The following PRMT9 variants were observed in gnomAD, a reference collection of about 807,000 sequenced individuals.
The protein encoded by PRMT9 is protein arginine N-methyltransferase 9.
In PRMT9, 59 loss-of-function variants were observed where a neutral mutation model predicts 83.2. The observed-to-expected ratio is 0.71, with a 90% CI of 0.57 to 0.88. The LOEUF (loss-of-function observed/expected upper bound fraction) is 0.88. Ranked by LOEUF, PRMT9 falls within the 40% of genes least tolerant of loss-of-function variation. PRMT9 has a pLI of 0.00. For synonymous variants in PRMT9, 333 were observed against 353.2 expected (o/e 0.94, Z 0.64); for missense variants, 947 against 1,021.9 (o/e 0.93, Z 1.00).
intron 1 of PRMT9, among the ~76,000 whole-genome samples, chr4:147,681,656 G>A (rs1249487975): frequency 3.3e-5 from 5 of 152,004 alleles, no homozygotes; most frequent in Admixed American, 1.3e-4. Flanking sequence ...GCACGGTGGC[G>A]AACACCTATA....
chr4:147,654,759 C>T (rs1319741619), intron 8 of PRMT9, among the ~76,000 whole-genome samples, 193 bp from the exon 9 acceptor site: 1 of 152,138 alleles, frequency 6.6e-6, no homozygotes, highest in Non-Finnish European at 1.5e-5. Flanking sequence ...AATTTGAATA[C>T]TCAATTAACC....
chr4:147,641,546 T>C (rs1733397532), intron 10 of PRMT9, among the ~76,000 whole-genome samples: 1 of 152,214 alleles, frequency 6.6e-6, no homozygotes, highest in African/African-American at 2.4e-5. Context: ...ACAGCACTTC[T>C]CACCATCACA....
At chr4:147,645,810 T>C (rs1406174437) in intron 9 of PRMT9, among the ~76,000 whole-genome samples, 1 of 152,222 alleles carries the variant, frequency 6.6e-6, no homozygotes, top group Non-Finnish European at 1.5e-5. Context: ...CAAGGAAAGT[T>C]AGAGATGACT....
In PRMT9 at chr4:147,654,217, G is replaced by T; in HGVS notation, c.1680C>A (p.His560Gln). Residue 560 changes from histidine to glutamine, a missense_variant, in exon 9 of 12, where the codon CAC (histidine) becomes CAA (glutamine). Physicochemically the swap from His to Gln is conservative, Grantham distance 24. Transcript: ENST00000322396. ...PEKLYQTMDT[H>Q]CQNEMSSGTG... ...TTCCAGAGCTCATCTCATTCTGACA[G>T]TGAGTATCCATGGTCTGATACAGTT... The T allele has an allele frequency of 1.2e-6, 2 of 1,614,108 alleles. No homozygotes were observed. The highest frequency in any genetic ancestry group is 1.7e-6 in the Non-Finnish European group (2 of 1,179,932).
intron 7 of PRMT9, among the ~76,000 whole-genome samples, chr4:147,658,523 C>T (rs1734700566): frequency 6.6e-6 from 1 of 152,162 alleles, no homozygotes; most frequent in South Asian, 2.1e-4. Context: ...AAGTCTTAAA[C>T]AGGCAGGCAT....
At chr4:147,650,453 A>G (rs938533055) in intron 9 of PRMT9, among the ~76,000 whole-genome samples, 3 of 152,208 alleles carry the variant, frequency 2.0e-5, no homozygotes, top group African/African-American at 4.8e-5. Context: ...AATACTTAGG[A>G]ATAAACCTAC....
At chr4:147,668,501 TGC>T in intron 6 of PRMT9, 36 bp downstream of exon 6, 1 of 1,182,434 alleles carries the variant, frequency 8.5e-7, no homozygotes. Flanking sequence ...TCTTGGGAGG[TGC>T]TTTATAGCAG....
At chr4:147,650,815 A>G (rs1282548752) in intron 9 of PRMT9, among the ~76,000 whole-genome samples, 1 of 152,156 alleles carries the variant, frequency 6.6e-6, no homozygotes, top group Non-Finnish European at 1.5e-5. Flanking sequence ...TAGAAACAAG[A>G]GCCCAAGGCG....
chr4:147,641,322 C>G (rs1454524301), intron 10 of PRMT9, among the ~76,000 whole-genome samples: 1 of 152,166 alleles, frequency 6.6e-6, no homozygotes, highest in Non-Finnish European at 1.5e-5. Flanking sequence ...TCTCTCATCA[C>G]TCTCCCTCTT....
intron 8 of PRMT9, among the ~76,000 whole-genome samples, chr4:147,656,282 A>T (rs1187850462): frequency 6.7e-6 from 1 of 150,338 alleles, no homozygotes; most frequent in South Asian, 2.1e-4. Flanking sequence ...AGAAGGGTAG[A>T]GTTTTTCTGT....
intron 6 of PRMT9, among the ~76,000 whole-genome samples, chr4:147,666,823 T>TAAAAA (rs67002013): frequency 7.9e-6 from 1 of 126,442 alleles, no homozygotes; most frequent in Non-Finnish European, 1.7e-5. Flanking sequence ...GAACTTTGTT[T>TAAAAA]AAAAAAAAAA....
At chr4:147,675,742 TG>T (rs1736027323) in intron 2 of PRMT9, among the ~76,000 whole-genome samples, 2 of 152,212 alleles carry the variant, frequency 1.3e-5, no homozygotes. Flanking sequence ...AACGTATCAG[TG>T]AAACATAAGA....
intron 6 of PRMT9, among the ~76,000 whole-genome samples, chr4:147,666,796 C>T (rs1366752725): frequency 6.7e-6 from 1 of 148,718 alleles, no homozygotes; most frequent in Non-Finnish European, 1.5e-5. Flanking sequence ...TCTTCATAGT[C>T]CTCAACCCAT....
intron 1 of PRMT9, 75 bp from the exon 2 acceptor site, chr4:147,680,546 A>C: frequency 8.8e-7 from 1 of 1,130,994 alleles, no homozygotes; most frequent in Non-Finnish European, 1.3e-6. Context: ...TTAGTTGAAG[A>C]TTCCAAGCAA....
At chr4:147,670,593 T>C (rs1342614016) in intron 5 of PRMT9, 48 bp downstream of exon 5, 2 of 1,154,210 alleles carry the variant, frequency 1.7e-6, no homozygotes, top group African/African-American at 1.5e-5. Context: ...AAATCTCTGA[T>C]GAAATAACGA....
chr4:147,647,759 G>A (rs1351329689), intron 9 of PRMT9, among the ~76,000 whole-genome samples: 3 of 152,030 alleles, frequency 2.0e-5, no homozygotes, highest in African/African-American at 4.8e-5. Context: ...CTGACCTCAA[G>A]TGATCCACCC....
intron 5 of PRMT9, among the ~76,000 whole-genome samples, chr4:147,668,959 G>A (rs757985735): frequency 3.9e-5 from 6 of 152,122 alleles, no homozygotes; most frequent in South Asian, 2.1e-4. Context: ...GGTGGCACGC[G>A]CCTGTAGTCC....
intron 8 of PRMT9, among the ~76,000 whole-genome samples, chr4:147,656,771 C>CAAAAAA (rs1023416920): frequency 1.7e-4 from 8 of 47,898 alleles, no homozygotes; most frequent in Non-Finnish European, 2.7e-4. Context: ...GACTCTGTCT[C>CAAAAAA]AAAAAAAAAA....
In PRMT9 at chr4:147,683,990, CA is replaced by C; in HGVS notation, c.-4del. 4 of 1,612,586 alleles carry C rather than the reference CA, an allele frequency of 2.5e-6. No homozygotes were observed. The highest frequency in any genetic ancestry group is 3.4e-6 in the Non-Finnish European group (4 of 1,179,582). ...GACCTGGGCCGCGAGTTCGACATGG[CA>C]GTCACCACTTGTATGGCCAAAGGGA... On this transcript the variant is annotated 5_prime_UTR_variant, in exon 1 of 12. Coordinates refer to ENST00000322396, the MANE Select transcript of PRMT9 (RefSeq NM_138364.4).
Sources: gnomAD v4.1 joint callset for allele counts (sites outside exome capture counted in the v4.1 genomes callset) on GRCh38, gnomAD v4.1.1 for gene constraint, MANE v1.5 for transcripts, NCBI Gene and HGNC (gene_info 2026-07-23, HGNC 2026-07-21) for gene names.